PLGRKT: variants seen among roughly 807,000 people sequenced by gnomAD.
PLGRKT encodes plasminogen receptor with a C-terminal lysine, also known as plasminogen receptor (KT).
PLGRKT carries 22 observed loss-of-function variants against 18.5 expected under a neutral mutation model. That is an observed-to-expected ratio of 1.19 (90% CI 0.85 to 1.70). The LOEUF is 1.70. Among genes scored for constraint, PLGRKT ranks in the 40% most tolerant of loss-of-function variants. The probability of loss-of-function intolerance (pLI) is 0.00; values close to 1 mark genes in which losing one functional copy is unlikely to be tolerated. For synonymous variants in PLGRKT, 72 were observed against 52.8 expected, an observed-to-expected ratio of 1.36 and a Z score of -1.58; for missense variants, 235 against 174.4, an observed-to-expected ratio of 1.35 and a Z score of -1.96.
intron 3 of PLGRKT, among the ~76,000 whole-genome samples, chr9:5,408,842 C>A (rs1364918317): frequency 1.3e-5 from 2 of 152,236 alleles, no homozygotes; most frequent in Non-Finnish European, 2.9e-5. Context: ...ACTGTTCCCC[C>A]ACATCACAGT....
chr9:5,365,760 A>C (rs1258755538), intron 3 of PLGRKT, among the ~76,000 whole-genome samples: 1 of 152,214 alleles, frequency 6.6e-6, no homozygotes, highest in East Asian at 1.9e-4. Flanking sequence ...GCAGGGCACA[A>C]AGAATGTAGG....
Position 5,419,664 on chromosome 9 carries a change from T to C in PLGRKT, c.81+12233A>G, listed in dbSNP as rs28719768. ...AATTCAACTCAAAACCAGAATGAGA[T>C]ATATTTCAAAACTACCAGATGACTA... On this transcript the variant is annotated intron_variant, in intron 3 of 5. Transcript: ENST00000223864. 2.2e-3 allele frequency among the ~76,000 whole-genome samples: 333 copies of C among 152,008 alleles called. 1 individual carries two copies. The highest frequency in any genetic ancestry group is 7.5e-3 in the African/African-American group (313 of 41,464).
intron 3 of PLGRKT, among the ~76,000 whole-genome samples, chr9:5,427,678 C>T (rs1818729522): frequency 1.3e-5 from 2 of 152,148 alleles, no homozygotes; most frequent in African/African-American, 4.8e-5. Flanking sequence ...GACCATATCC[C>T]CCACAGATAA....
intron 5 of PLGRKT, among the ~76,000 whole-genome samples, chr9:5,359,413 T>C (rs1343017457): frequency 6.6e-6 from 1 of 152,190 alleles, no homozygotes; most frequent in Non-Finnish European, 1.5e-5. Flanking sequence ...TTTCAAATTA[T>C]AAGAGCATTT....
intron 3 of PLGRKT, among the ~76,000 whole-genome samples, chr9:5,427,003 T>G (rs1014343745): frequency 6.6e-6 from 1 of 152,208 alleles, no homozygotes; most frequent in Non-Finnish European, 1.5e-5. Context: ...GGCTAATTTA[T>G]TACAGCAGTC....
chr9:5,394,624 G>A (rs1040758011), intron 3 of PLGRKT, among the ~76,000 whole-genome samples: 1 of 151,750 alleles, frequency 6.6e-6, no homozygotes, highest in African/African-American at 2.4e-5. Flanking sequence ...TGTTGGTCAG[G>A]CTGGTCTCAA....
chr9:5,433,617 T>C (rs1254090763), intron 2 of PLGRKT, among the ~76,000 whole-genome samples: 1 of 143,706 alleles, frequency 7.0e-6, no homozygotes, highest in African/African-American at 2.6e-5. Flanking sequence ...GCGCCCATCG[T>C]CTGGGATGTG....
chr9:5,419,980 A>C (rs1818543499), intron 3 of PLGRKT, among the ~76,000 whole-genome samples: 2 of 152,232 alleles, frequency 1.3e-5, no homozygotes, highest in Admixed American at 1.3e-4. Context: ...CCAAATATCC[A>C]CCAACATATG....
intron 5 of PLGRKT, 152 bp downstream of exon 5, chr9:5,360,926 C>A (rs768705792): frequency 5.0e-5 from 27 of 543,754 alleles, no homozygotes; most frequent in Non-Finnish European, 8.5e-5. Context: ...CTCTAGGACA[C>A]CACTGTGTGA....
intron 3 of PLGRKT, among the ~76,000 whole-genome samples, chr9:5,425,793 A>G (rs1818686016): frequency 6.6e-6 from 1 of 152,184 alleles, no homozygotes; most frequent in South Asian, 2.1e-4. Context: ...TTTTCCCCCA[A>G]AAGAAAAAAA....
chr9:5,386,444 G>A (rs990339539), intron 3 of PLGRKT, among the ~76,000 whole-genome samples: 1 of 151,810 alleles, frequency 6.6e-6, no homozygotes, highest in African/African-American at 2.4e-5. Flanking sequence ...GGCATCTAGT[G>A]GGTAGAGGTC....
intron 3 of PLGRKT, among the ~76,000 whole-genome samples, chr9:5,407,593 C>A (rs1200436566): frequency 6.6e-6 from 1 of 151,726 alleles, no homozygotes; most frequent in East Asian, 1.9e-4. Flanking sequence ...CTATCCATAA[C>A]ATAAACATGT....
chr9:5,435,027 C>G (rs1334177052), intron 2 of PLGRKT, among the ~76,000 whole-genome samples: 1 of 151,792 alleles, frequency 6.6e-6, no homozygotes, highest in Middle Eastern at 3.2e-3. Context: ...CCCCCAACCC[C>G]CTGCTCTCTG....
chr9:5,380,998 T>C (rs1195341733), intron 3 of PLGRKT, among the ~76,000 whole-genome samples: 1 of 152,216 alleles, frequency 6.6e-6, no homozygotes, highest in African/African-American at 2.4e-5. Flanking sequence ...CCTTTCTCTC[T>C]GTCTTTCCTG....
chr9:5,401,955 G>C (rs755353658), intron 3 of PLGRKT, among the ~76,000 whole-genome samples: 4 of 151,460 alleles, frequency 2.6e-5, no homozygotes, highest in Admixed American at 1.3e-4. Context: ...GTTTAGTGTG[G>C]ATTTTTTTTT....
chr9:5,431,142 C>T (rs1818813992), intron 3 of PLGRKT, among the ~76,000 whole-genome samples: 2 of 152,214 alleles, frequency 1.3e-5, no homozygotes, highest in Non-Finnish European at 2.9e-5. Flanking sequence ...TAGGGGCTTC[C>T]TGAATTCCTT....
chr9:5,408,152 T>C (rs1187703840), intron 3 of PLGRKT, among the ~76,000 whole-genome samples: 1 of 152,240 alleles, frequency 6.6e-6, no homozygotes, highest in African/African-American at 2.4e-5. Context: ...ACACTGAAAG[T>C]GGCTTTCGAA....
intron 3 of PLGRKT, chr9:5,382,136 A>G: frequency 2.3e-6 from 1 of 438,196 alleles, no homozygotes; most frequent in African/African-American, 2.1e-5. Context: ...ATTCATGATG[A>G]CTCTCTATTC....
chr9:5,380,768 T>C (rs1204774546), intron 3 of PLGRKT, among the ~76,000 whole-genome samples: 2 of 152,234 alleles, frequency 1.3e-5, no homozygotes, highest in Non-Finnish European at 2.9e-5. Flanking sequence ...TTGCACATAA[T>C]AGATACAAAA....
Sources: allele counts gnomAD v4.1 joint callset (sites outside exome capture counted in the v4.1 genomes callset), GRCh38; gene constraint gnomAD v4.1.1; transcripts MANE v1.5; gene names NCBI Gene and HGNC (gene_info 2026-07-23, HGNC 2026-07-21).